Variants in GRM4 observed in about 807,000 individuals in gnomAD.
GRM4 encodes metabotropic glutamate receptor 4.
In GRM4, 28 loss-of-function variants were observed where a neutral mutation model predicts 81.7. The ratio of observed to expected loss-of-function variants is 0.34; its 90% CI spans 0.25 to 0.47. The LOEUF is 0.47. Among genes scored for constraint, GRM4 ranks in the 20% least tolerant of loss-of-function variants. The pLI is 1.00. For synonymous variants in GRM4, 488 were observed against 528.8 expected (o/e 0.92, Z 1.06); for missense variants, 948 against 1,290.0 (o/e 0.73, Z 4.06).
At chr6:34,053,149 G>A (rs1765693735) in intron 6 of GRM4, among the ~76,000 whole-genome samples, 1 of 152,218 alleles carries the variant, frequency 6.6e-6, no homozygotes, top group Admixed American at 6.5e-5. Flanking sequence ...TGAGATAGCT[G>A]TTGCCTTCCC....
rs142465235 is a variant in GRM4, at chr6:34,022,353, G to C, written c.*468C>G. ...GACAAAGAGGATGAGAGAGAGAGGC[G>C]GAGGCAAGAGCCAGAAAGGAGACAC... On this transcript the variant is annotated 3_prime_UTR_variant, in exon 11 of 11. Transcript: ENST00000538487. The surrounding 1 kb of genome is among the most constrained non-coding windows in gnomAD (Gnocchi z 5.6). The C allele has an allele frequency of 6.4e-5, 11 of 172,694 alleles. No homozygotes were observed. Among genetic ancestry groups the C allele is most frequent in the Non-Finnish European group, 1.2e-5 (1 of 80,860 alleles). 10.7% of individuals were successfully genotyped at this position (172,694 alleles called of 1,614,324 possible). A position where few individuals can be genotyped will look rare whatever the true frequency, so the allele number is the denominator to read the frequency against.
chr6:34,027,270 G>A (rs1764177715), intron 10 of GRM4, among the ~76,000 whole-genome samples: 1 of 152,140 alleles, frequency 6.6e-6, no homozygotes, highest in African/African-American at 2.4e-5. Flanking sequence ...CACAACAGAG[G>A]TGCACAGGCT....
intron 6 of GRM4, among the ~76,000 whole-genome samples, chr6:34,051,102 G>A (rs577399194): frequency 1.5e-4 from 23 of 152,326 alleles, no homozygotes; most frequent in South Asian, 1.0e-3. Flanking sequence ...TCTTCAGGAT[G>A]CAGAGGTGGG....
chr6:34,150,784 C>T (rs764301794), upstream of GRM4, among the ~76,000 whole-genome samples: 2 of 152,186 alleles, frequency 1.3e-5, no homozygotes, highest in African/African-American at 2.4e-5. Context: ...CCAGCGGCCA[C>T]GGGGCAGAAG....
chr6:34,113,326 A>T (rs1769461605), intron 2 of GRM4, among the ~76,000 whole-genome samples: 1 of 151,530 alleles, frequency 6.6e-6, no homozygotes, highest in African/African-American at 2.4e-5. Context: ...TAATTTTTAA[A>T]TTTTTTGCAG....
chr6:34,030,645 C>T (rs772389074), intron 9 of GRM4, among the ~76,000 whole-genome samples: 21 of 152,322 alleles, frequency 1.4e-4, no homozygotes, highest in Middle Eastern at 3.4e-3. Flanking sequence ...GGGGCCTGTG[C>T]CTAGCTCTCA....
chr6:34,090,338 T>C lies in GRM4; in HGVS notation c.736+1545A>G, dbSNP rs1230447585. 2.0e-5 allele frequency among the ~76,000 whole-genome samples: 3 copies of C among 151,742 alleles called. No homozygotes were observed. The highest frequency in any genetic ancestry group is 7.3e-5 in the African/African-American group (3 of 41,270). On this transcript the variant is annotated intron_variant, in intron 3 of 10. Transcript: ENST00000538487. This position sits in a 1 kb window ranked among gnomAD's most constrained non-coding sequence, Gnocchi z 5.2. ...GGTAGGAGGTTGGTTTGGGGAAGAG[T>C]TGAAGCCACAGAGGAGGAAAGGAGC...
At chr6:34,096,466 G>A (rs1447830136) in intron 2 of GRM4, among the ~76,000 whole-genome samples, 1 of 152,308 alleles carries the variant, frequency 6.6e-6, no homozygotes, top group East Asian at 1.9e-4. Context: ...ACGTCCTCCC[G>A]GTGTTACTAT....
Position 34,036,505 on chromosome 6 carries a change from G to A in GRM4, c.1605C>T (p.Gly535=), listed in dbSNP as rs1440178359. The change falls in exon 9 of 11, where the codon GGC becomes GGT. Residue 535 remains glycine (G), a synonymous_variant. Coordinates refer to ENST00000538487, the MANE Select transcript of GRM4 (RefSeq NM_000841.4). This position sits in a 1 kb window ranked among gnomAD's most constrained non-coding sequence, Gnocchi z 9.0. ...GCTCGCAGTGCCAGCAGCAAGGCAT[G>A]CCCTTCACTGTCTTCTTCCGCTCAC... The part of the protein sequence containing the change: ...QPGERKKTVK[G]MPCCWHCEPC... The A allele has an allele frequency of 6.2e-7, 1 of 1,612,426 alleles. No homozygotes were observed. Among genetic ancestry groups the A allele is most frequent in the Admixed American group, 1.7e-5 (1 of 60,022 alleles).
In GRM4 at chr6:34,133,988, C is replaced by G. The variant is rs1355868404; in HGVS notation, c.-363-129G>C. 1 of 307,312 alleles carries G rather than the reference C, an allele frequency of 3.3e-6. No homozygotes were observed. The highest frequency in any genetic ancestry group is 2.3e-5 in the African/African-American group (1 of 44,304). The allele number at this position is 307,312 out of a possible 1,614,324, so 19.0% of individuals were successfully genotyped here. On this transcript the variant is annotated intron_variant, in intron 1 of 10. Coordinates refer to ENST00000538487, the MANE Select transcript of GRM4 (RefSeq NM_000841.4). This position sits in a 1 kb window ranked among gnomAD's most constrained non-coding sequence, Gnocchi z 6.5. ...TTATCGCCGAAGATTCCATAAATCT[C>G]CTGAACTTGGTTTCCTCTCCGCCAT...
chr6:34,145,606 G>A (rs1380349153), intron 1 of GRM4, among the ~76,000 whole-genome samples: 1 of 152,220 alleles, frequency 6.6e-6, no homozygotes, highest in Non-Finnish European at 1.5e-5. Flanking sequence ...GAGAGAGGGA[G>A]CGAGAGACGA....
At chr6:34,150,421 GTC>G (rs1398673523), upstream of GRM4, among the ~76,000 whole-genome samples, 1 of 152,154 alleles carries the variant, frequency 6.6e-6, no homozygotes, top group African/African-American at 2.4e-5. Context: ...CTAGGCTGGG[GTC>G]TCTGTCTCTT....
chr6:34,086,120 G>A (rs7750610), intron 3 of GRM4, among the ~76,000 whole-genome samples: 167 of 152,310 alleles, frequency 1.1e-3, no homozygotes, highest in African/African-American at 3.9e-3. Flanking sequence ...AGCCCCCTTG[G>A]CTCTGGCCGT....
intron 6 of GRM4, among the ~76,000 whole-genome samples, chr6:34,050,401 C>A (rs1581619432): frequency 6.6e-6 from 1 of 152,262 alleles, no homozygotes; most frequent in Non-Finnish European, 1.5e-5. Context: ...TGGCTGGACG[C>A]CGTCCTCATG....
intron 3 of GRM4, among the ~76,000 whole-genome samples, chr6:34,075,728 G>A (rs1223459022): frequency 6.6e-6 from 1 of 152,134 alleles, no homozygotes; most frequent in East Asian, 1.9e-4. Context: ...TATACATAAG[G>A]TGCTTAGAAC....
At chr6:34,095,332 C>T (rs1282113610) in intron 2 of GRM4, among the ~76,000 whole-genome samples, 3 of 152,170 alleles carry the variant, frequency 2.0e-5, no homozygotes, top group Non-Finnish European at 2.9e-5. Context: ...CCGCAGCCTC[C>T]CTCCTCAGCT....
rs1769798516 is a variant in GRM4 at position 34,121,185 on chromosome 6, C to A, written c.519+11793G>T. Among the ~76,000 whole-genome samples the A allele has an allele frequency of 1.3e-5, 2 of 152,120 alleles. No homozygotes were observed. Among genetic ancestry groups the A allele is most frequent in the Non-Finnish European group, 2.9e-5 (2 of 68,016 alleles). On this transcript the variant is annotated intron_variant, in intron 2 of 10. Transcript: ENST00000538487. The surrounding 1 kb of genome is among the most constrained non-coding windows in gnomAD (Gnocchi z 4.6). ...CTCAGAACAGTCCTGACCCCGGAAA[C>A]CACTCACCCTCACACACCGCCCCCC...
chr6:34,056,960 C>T (rs1765927727), intron 5 of GRM4, among the ~76,000 whole-genome samples: 2 of 152,220 alleles, frequency 1.3e-5, no homozygotes, highest in South Asian at 4.1e-4. Flanking sequence ...GGCCTTTAAC[C>T]GCTGCAATGC....
Position 34,115,346 on chromosome 6 carries a change from C to T in GRM4, c.519+17632G>A, listed in dbSNP as rs547546856. ...AATTATTTATTCCCTACATTGTTAGCGCAGTAGAGAGAGCAACCGTGTCTC... is the reference window on the plus strand; with the variant it reads ...AATTATTTATTCCCTACATTGTTAGTGCAGTAGAGAGAGCAACCGTGTCTC... On this transcript the variant is annotated intron_variant, in intron 2 of 10. Transcript: ENST00000538487. The surrounding 1 kb of genome is among the most constrained non-coding windows in gnomAD (Gnocchi z 4.1). Among the ~76,000 whole-genome samples, 3 of 152,338 alleles carry T rather than the reference C, an allele frequency of 2.0e-5. No individual in the cohort carries two copies. Among genetic ancestry groups the T allele is most frequent in the African/African-American group, 7.2e-5 (3 of 41,574 alleles).
Sources: gnomAD v4.1 joint callset for allele counts (sites outside exome capture counted in the v4.1 genomes callset) on GRCh38, gnomAD v4.1.1 for gene constraint, Gnocchi (gnomAD v3.1) non-coding constraint, MANE v1.5 for transcripts, NCBI Gene and HGNC (gene_info 2026-07-23, HGNC 2026-07-21) for gene names.